EMCN: variants seen among roughly 807,000 people sequenced by gnomAD.
The protein encoded by EMCN is MUC-14.
A neutral mutation model predicts 38.4 loss-of-function variants in EMCN; 37 were observed. That is an observed-to-expected ratio of 0.96 (90% CI 0.74 to 1.27). The LOEUF (loss-of-function observed/expected upper bound fraction) is 1.27, where lower values mean the gene tolerates loss of function less well. Ranked by LOEUF, EMCN falls within the 50% of genes most tolerant of loss-of-function variation. The probability of loss-of-function intolerance (pLI) is 0.00; values close to 1 mark genes in which losing one functional copy is unlikely to be tolerated. For missense variants in EMCN, 318 were observed against 302.8 expected (o/e 1.05, Z -0.37); for synonymous variants, 95 against 100.8 (o/e 0.94, Z 0.35).
At chr4:100,447,825 A>G (rs1228947202) in intron 4 of EMCN, among the ~76,000 whole-genome samples, 1 of 152,098 alleles carries the variant, frequency 6.6e-6, no homozygotes, top group Admixed American at 6.6e-5. Context: ...TCTCTGTCAT[A>G]ACTATTCACC....
At chr4:100,473,700 A>C (rs553750962) in intron 3 of EMCN, among the ~76,000 whole-genome samples, 1 of 152,166 alleles carries the variant, frequency 6.6e-6, no homozygotes, top group Admixed American at 6.5e-5. Flanking sequence ...TCTAACAACT[A>C]CATGAGAAGT....
chr4:100,405,947 T>A (rs1332765899), intron 11 of EMCN, among the ~76,000 whole-genome samples: 1 of 152,114 alleles, frequency 6.6e-6, no homozygotes, highest in Non-Finnish European at 1.5e-5. Context: ...CCTGGTTCAA[T>A]CTTGGGACGT....
chr4:100,505,782 G>A (rs1729465868), intron 1 of EMCN, among the ~76,000 whole-genome samples: 1 of 152,140 alleles, frequency 6.6e-6, no homozygotes, highest in Non-Finnish European at 1.5e-5. Flanking sequence ...CTTGAGAGAG[G>A]AAGCAGAAAA....
chr4:100,500,847 T>A (rs1038007888), intron 1 of EMCN, among the ~76,000 whole-genome samples: 5 of 152,116 alleles, frequency 3.3e-5, no homozygotes, highest in African/African-American at 1.2e-4. Flanking sequence ...TAAAAACATA[T>A]TTTTATTTCT....
intron 10 of EMCN, among the ~76,000 whole-genome samples, chr4:100,411,950 G>A (rs553279313): frequency 6.6e-6 from 1 of 151,174 alleles, no homozygotes; most frequent in South Asian, 2.1e-4. Context: ...TTACTCTGTG[G>A]TTTTTTTTTG....
At chr4:100,404,088 GT>G (rs776652416) in intron 11 of EMCN, among the ~76,000 whole-genome samples, 3 of 151,954 alleles carry the variant, frequency 2.0e-5, no homozygotes, top group Non-Finnish European at 4.4e-5. Context: ...GGTCTTGTTA[GT>G]TTTTGTTTTT....
intron 2 of EMCN, among the ~76,000 whole-genome samples, chr4:100,477,039 C>G (rs111385157): frequency 1.2e-4 from 18 of 152,178 alleles, no homozygotes; most frequent in African/African-American, 4.3e-4. Flanking sequence ...ATGGAAACAT[C>G]ACCATATTTA....
chr4:100,455,639 G>A (rs1225931280), intron 4 of EMCN, among the ~76,000 whole-genome samples: 1 of 150,118 alleles, frequency 6.7e-6, no homozygotes, highest in Non-Finnish European at 1.5e-5. Flanking sequence ...TTTTTCAATA[G>A]CTTCTTTCAA....
At chr4:100,462,891 C>A (rs904898924) in intron 4 of EMCN, among the ~76,000 whole-genome samples, 8 of 152,108 alleles carry the variant, frequency 5.3e-5, no homozygotes, top group Non-Finnish European at 1.2e-4. Flanking sequence ...ATTTATGTTT[C>A]TGAAGTTTCT....
chr4:100,416,829 A>G (rs187891893), intron 9 of EMCN, among the ~76,000 whole-genome samples: 1 of 152,262 alleles, frequency 6.6e-6, no homozygotes, highest in East Asian at 1.9e-4. Context: ...CTGGGAAACT[A>G]TTTTAAAACT....
chr4:100,447,718 A>G, intron 4 of EMCN, 147 bp from the exon 5 acceptor site: 1 of 617,652 alleles, frequency 1.6e-6, no homozygotes, highest in Non-Finnish European at 2.8e-6. Context: ...ATGATTCTTC[A>G]TGATTACAAG....
chr4:100,449,909 CT>C (rs1166070589), intron 4 of EMCN, among the ~76,000 whole-genome samples: 2 of 151,742 alleles, frequency 1.3e-5, no homozygotes, highest in African/African-American at 2.4e-5. Context: ...GAATATATTC[CT>C]TTTTTCCCTG....
At chr4:100,477,039 C>T (rs111385157) in intron 2 of EMCN, among the ~76,000 whole-genome samples, 1 of 152,178 alleles carries the variant, frequency 6.6e-6, no homozygotes, top group Non-Finnish European at 1.5e-5. Flanking sequence ...ATGGAAACAT[C>T]ACCATATTTA....
Position 100,465,498 on chromosome 4 carries a change from T to C in EMCN, c.301A>G (p.Ile101Val), listed in dbSNP as rs1272261452. The part of the protein sequence containing the change: ...TTTDVRKNDS[I>V]ISNVTVTSVT... ...CTTGTTACTGTTACGTTTGAAATGA[T>C]GGAGTCATTCTTCCTGACATCAGTG... The change falls in exon 4 of 12, where the codon ATC becomes GTC. Residue 101 changes from isoleucine to valine, a missense_variant. By Grantham distance (29) the Ile-to-Val change is conservative. Transcript: ENST00000296420. 13 of 1,609,006 alleles carry C rather than the reference T, an allele frequency of 8.1e-6. No individual in the cohort carries two copies. Among genetic ancestry groups the C allele is most frequent in the Non-Finnish European group, 9.3e-6 (11 of 1,176,668 alleles).
intron 11 of EMCN, among the ~76,000 whole-genome samples, chr4:100,407,527 T>G (rs1234475470): frequency 6.6e-6 from 1 of 152,192 alleles, no homozygotes; most frequent in African/African-American, 2.4e-5. Flanking sequence ...TTCTTTTCTT[T>G]AAGGATGCTG....
At chr4:100,475,015 T>C in intron 3 of EMCN, 23 bp downstream of exon 3, 1 of 1,337,842 alleles carries the variant, frequency 7.5e-7, no homozygotes, top group Non-Finnish European at 1.0e-6. Flanking sequence ...TTTAAAATTG[T>C]AGAAAAATGA....
chr4:100,497,063 T>G (rs191031671), intron 1 of EMCN, among the ~76,000 whole-genome samples: 9 of 151,978 alleles, frequency 5.9e-5, no homozygotes, highest in African/African-American at 1.9e-4. Flanking sequence ...AGCCCAAATT[T>G]CAGTATTGCT....
intron 4 of EMCN, among the ~76,000 whole-genome samples, chr4:100,450,251 A>G (rs1727799461): frequency 1.3e-5 from 2 of 152,010 alleles, no homozygotes. Flanking sequence ...GTGGTTGGCA[A>G]CTTACAATCT....
In EMCN at chr4:100,415,927, A is replaced by T. The variant is rs773783867; in HGVS notation, c.722T>A (p.Leu241His). Residue 241 changes from leucine (L) to histidine (H), a missense_variant, in exon 10 of 12, where the codon CTT (leucine) becomes CAT (histidine). Transcript: ENST00000296420. ...PQSDKESVKL[L>H]TVKTISHESG... ...CTCATGAGAAATTGTCTTAACGGTAAGAAGCTTCACGCTCTCTTTATCAGA... is the reference window on the plus strand; with the variant it reads ...CTCATGAGAAATTGTCTTAACGGTATGAAGCTTCACGCTCTCTTTATCAGA... 4.4e-6 allele frequency: 7 copies of T among 1,591,946 alleles called. No homozygotes were observed. The South Asian group carries it at 8.2e-5, about 19-fold the overall frequency.
Sources: gnomAD v4.1 joint callset for allele counts (sites outside exome capture counted in the v4.1 genomes callset) on GRCh38, gnomAD v4.1.1 for gene constraint, MANE v1.5 for transcripts, NCBI Gene and HGNC (gene_info 2026-07-23, HGNC 2026-07-21) for gene names.